The following SEMA3A variants were observed in gnomAD, a reference collection of about 807,000 sequenced individuals.
SEMA3A encodes the protein semaphorin 3A.
A neutral mutation model predicts 97.9 loss-of-function variants in SEMA3A; 29 were observed. The observed-to-expected ratio is 0.30, with a 90% CI of 0.22 to 0.40. SEMA3A has a LOEUF of 0.40. Ranked by LOEUF, SEMA3A falls within the 10% of genes least tolerant of loss-of-function variation. The pLI, the probability that SEMA3A is intolerant of heterozygous loss-of-function variation, is 1.00. For synonymous variants in SEMA3A, 321 were observed against 323.7 expected (o/e 0.99, Z 0.09); for missense variants, 763 against 951.3 (o/e 0.80, Z 2.60).
At position 83,958,911 on chromosome 7, in the gene SEMA3A, T is replaced by C. The variant is rs2116235655; in HGVS notation, c.*2460A>G. 6.6e-6 allele frequency: 1 copy of C among 152,276 alleles called. No homozygotes were observed. The highest frequency in any genetic ancestry group is 1.9e-4 in the East Asian group (1 of 5,170). 9.4% of individuals were successfully genotyped at this position (152,276 alleles called of 1,614,324 possible). On this transcript the variant is annotated 3_prime_UTR_variant, in exon 17 of 17. Transcript: ENST00000265362. ...TTTCATCTCTGATGATTCATGCATA[T>C]GACAAAGTCTATTTAAAGCTGAATT...
At chr7:84,307,392 TC>T (rs965703568) in intron 2 of SEMA3A, 1 of 152,198 alleles carries the variant, frequency 6.6e-6, no homozygotes, top group Non-Finnish European at 1.5e-5. Context: ...AGTTTAAATT[TC>T]TTCAAACAAC....
chr7:84,035,519 T>C (rs1266562968), intron 6 of SEMA3A, among the ~76,000 whole-genome samples: 1 of 152,084 alleles, frequency 6.6e-6, no homozygotes, highest in African/African-American at 2.4e-5. Flanking sequence ...TTCTTATTTA[T>C]TCATTCCTTT....
chr7:84,347,833 G>A (rs896106599), intron 2 of SEMA3A, among the ~76,000 whole-genome samples: 2 of 152,116 alleles, frequency 1.3e-5, no homozygotes, highest in Admixed American at 1.3e-4. Flanking sequence ...GTGGCGAGCA[G>A]TAGCCAGAGA....
At position 84,194,348 on chromosome 7, in the gene SEMA3A, C is replaced by T; in HGVS notation, c.112+127G>A. ...GTTTAAAGCATCTCAGAAAGATACA[C>T]ATAATCACGTCGGTTTACCAGGTTA... On this transcript the variant is annotated intron_variant, in intron 1 of 16. Coordinates refer to ENST00000265362, the MANE Select transcript of SEMA3A (RefSeq NM_006080.3). 4.6e-6 allele frequency: 3 copies of T among 646,778 alleles called. No individual in the cohort carries two copies. In the South Asian group the frequency reaches 5.6e-5, roughly 12 times the overall value. 40.1% of individuals were successfully genotyped at this position (646,778 alleles called of 1,614,324 possible). A position where few individuals can be genotyped will look rare whatever the true frequency, so the allele number is the denominator to read the frequency against.
At position 84,110,557 on chromosome 7, in the gene SEMA3A, C is replaced by A. The variant is rs754669205; in HGVS notation, c.366G>T (p.Lys122Asn). 3.7e-5 allele frequency: 59 copies of A among 1,613,748 alleles called. No individual in the cohort carries two copies. In the Admixed American group the frequency reaches 9.7e-4, roughly 26 times the overall value. Residue 122 changes from lysine to asparagine, a missense_variant, in exon 4 of 17, where the codon AAG (lysine) becomes AAT (asparagine). Physicochemically the swap from Lys to Asn is moderately conservative, Grantham distance 94 (BLOSUM62 0). Around this residue, in one of 2 missense-constraint regions of SEMA3A, gnomAD observed 678 missense variants for 881.3 expected, o/e 0.77. Coordinates refer to ENST00000265362, the MANE Select transcript of SEMA3A (RefSeq NM_006080.3). ...KECANFIKVL[K>N]AYNQTHLYAC... ...CGTACAAGTGAGTCTGATTATATGC[C>A]TTAAGTACCTTGATGAAATTAGCAC... is the stretch of plus-strand genomic sequence containing the variant.
chr7:84,086,489 TACATATA>T (rs1794357532), intron 4 of SEMA3A, among the ~76,000 whole-genome samples: 3 of 59,538 alleles, frequency 5.0e-5, no homozygotes, highest in Non-Finnish European at 1.5e-4. Flanking sequence ...ATATTATATT[TACATATA>T]ATATATTATT....
chr7:83,960,450 G>T lies in SEMA3A; in HGVS notation c.*921C>A, dbSNP rs1002742337. ...TTTAGATAATGCTTAAAGAAGGGGAGGTGTGAACAGCTTCCATTTGTTTGA... is the reference window on the plus strand; with the variant it reads ...TTTAGATAATGCTTAAAGAAGGGGATGTGTGAACAGCTTCCATTTGTTTGA... On this transcript the variant is annotated 3_prime_UTR_variant, in exon 17 of 17. Coordinates refer to ENST00000265362, the MANE Select transcript of SEMA3A (RefSeq NM_006080.3). 6.6e-6 allele frequency: 1 copy of T among 151,990 alleles called. No individual in the cohort carries two copies. The highest frequency in any genetic ancestry group is 1.5e-5 in the Non-Finnish European group (1 of 67,892). 9.4% of individuals were successfully genotyped at this position (151,990 alleles called of 1,614,324 possible). A position where few individuals can be genotyped will look rare whatever the true frequency, so the allele number is the denominator to read the frequency against.
chr7:84,236,488 T>C (rs573751596), intron 3 of SEMA3A, among the ~76,000 whole-genome samples: 1 of 152,096 alleles, frequency 6.6e-6, no homozygotes, highest in Non-Finnish European at 1.5e-5. Context: ...AAATGAACAT[T>C]ACTAAAATAT....
At chr7:84,042,822 A>G (rs66493308) in intron 6 of SEMA3A, among the ~76,000 whole-genome samples, 16,417 of 152,094 alleles carry the variant, frequency 0.11, 1,334 homozygotes, top group African/African-American at 0.22. Context: ...AATAAATGTG[A>G]GCTAGAAAAA....
intron 3 of SEMA3A, among the ~76,000 whole-genome samples, chr7:84,251,350 A>G (rs985961941): frequency 2.0e-5 from 3 of 152,202 alleles, no homozygotes; most frequent in African/African-American, 7.2e-5. Flanking sequence ...CCAGGAGGTT[A>G]GGAGCCAGGA....
At chr7:84,044,408 C>G (rs573433270) in intron 6 of SEMA3A, among the ~76,000 whole-genome samples, 13 of 152,102 alleles carry the variant, frequency 8.5e-5, no homozygotes, top group African/African-American at 2.9e-4. Flanking sequence ...TGTCTAATCC[C>G]CTTTGATTAC....
intron 4 of SEMA3A, among the ~76,000 whole-genome samples, chr7:84,073,863 TAA>T (rs57789538): frequency 0.18 from 17,873 of 101,572 alleles, 1,141 homozygotes; most frequent in Non-Finnish European, 0.2. Context: ...TAAAAAAAGC[TAA>T]AAAAAAAAAA....
At chr7:84,136,133 AG>A (rs1199194920) in intron 1 of SEMA3A, among the ~76,000 whole-genome samples, 1 of 151,928 alleles carries the variant, frequency 6.6e-6, no homozygotes, top group Non-Finnish European at 1.5e-5. Flanking sequence ...GTCCTGAATC[AG>A]TGCTTTAGAT....
At chr7:84,362,986 G>A (rs1214199693) in intron 2 of SEMA3A, among the ~76,000 whole-genome samples, 1 of 151,856 alleles carries the variant, frequency 6.6e-6, no homozygotes, top group Non-Finnish European at 1.5e-5. Context: ...AATTTACAAA[G>A]TAAACAGCAG....
intron 1 of SEMA3A, among the ~76,000 whole-genome samples, chr7:84,461,079 A>G (rs911151595): frequency 2.6e-5 from 4 of 152,286 alleles, no homozygotes; most frequent in South Asian, 4.1e-4. Context: ...CTTAAAATTC[A>G]TAGGGTATAA....
chr7:84,127,184 C>T (rs6467988), intron 3 of SEMA3A, among the ~76,000 whole-genome samples: 121,863 of 151,638 alleles, frequency 0.8, 49,015 homozygotes, highest in East Asian at 0.93. Flanking sequence ...TGTTCATCTC[C>T]GCTTGGTCCA....
intron 1 of SEMA3A, among the ~76,000 whole-genome samples, chr7:84,160,450 T>C (rs1796995042): frequency 6.6e-6 from 1 of 151,908 alleles, no homozygotes; most frequent in African/African-American, 2.4e-5. Flanking sequence ...CTCAGGAGGC[T>C]GGGGCAGGAG....
chr7:84,340,662 C>T (rs1802141886), intron 2 of SEMA3A, among the ~76,000 whole-genome samples: 1 of 151,608 alleles, frequency 6.6e-6, no homozygotes, highest in African/African-American at 2.4e-5. Context: ...CGCCTGTAAT[C>T]CCAGCTACTC....
intron 5 of SEMA3A, among the ~76,000 whole-genome samples, chr7:84,057,373 G>A (rs1023616486): frequency 3.3e-5 from 5 of 151,688 alleles, no homozygotes; most frequent in Admixed American, 3.3e-4. Context: ...GTTCACATCT[G>A]GCATTTATTA....
Sources: gnomAD v4.1 joint callset for allele counts (sites outside exome capture counted in the v4.1 genomes callset) on GRCh38, gnomAD v4.1.1 for gene constraint, gnomAD v4.1.1 regional missense constraint, MANE v1.5 for transcripts, NCBI Gene and HGNC (gene_info 2026-07-23, HGNC 2026-07-21) for gene names.